Variants in ZNF326 observed in about 807,000 individuals in gnomAD.
ZNF326 encodes DBIRD complex subunit ZNF326.
ZNF326 carries 30 observed loss-of-function variants against 63.1 expected under a neutral mutation model. The ratio of observed to expected loss-of-function variants is 0.48; its 90% confidence interval spans 0.36 to 0.64. The LOEUF is 0.64. ZNF326 is among the 30% of genes least tolerant of loss of function. The pLI is 0.00. For synonymous variants in ZNF326, 194 were observed against 228.2 expected (o/e 0.85, Z 1.35); for missense variants, 609 against 720.3 (o/e 0.85, Z 1.77).
intron 11 of ZNF326, among the ~76,000 whole-genome samples, chr1:90,026,473 A>C (rs1424039737): frequency 1.3e-5 from 2 of 152,204 alleles, no homozygotes; most frequent in Non-Finnish European, 2.9e-5. Context: ...ATAGCTGCCT[A>C]TTAGACATCT....
Position 90,017,367 on chromosome 1 carries a change from A to G in ZNF326, c.977A>G (p.Asp326Gly). The G allele has an allele frequency of 1.2e-6, 2 of 1,606,926 alleles. No individual in the cohort carries two copies. Among genetic ancestry groups the G allele is most frequent in the South Asian group, 1.1e-5 (1 of 88,668 alleles). ...AAATTTCGAACATTTGAAGAAAAAG[A>G]TATTGAACTGCATCTGGAAAGTTCT... ...FCKFRTFEEK[D>G]IELHLESSSH... The change falls in exon 8 of 12, where the codon GAT becomes GGT. Residue 326 changes from aspartate (D) to glycine (G), a missense_variant. Asp to Gly is a moderately conservative substitution (Grantham distance 94, BLOSUM62 -1). Transcript: ENST00000340281.
rs564241611 is a variant in ZNF326 at position 90,029,231 on chromosome 1, T to A, written c.*1530T>A. 5 of 152,336 alleles carry A rather than the reference T, an allele frequency of 3.3e-5. 1 individual carries two copies. The South Asian group carries it at 1.0e-3, about 32-fold the overall frequency. 9.4% of individuals were successfully genotyped at this position (152,336 alleles called of 1,614,324 possible). On this transcript the variant is annotated 3_prime_UTR_variant, in exon 12 of 12. Transcript: ENST00000340281. ...ACATTTGTAGAATCCCACAGATAAT[T>A]TATCTTTTTGTGTAAAATAAGGCTT...
At chr1:90,018,274 A>C (rs908981918) in intron 8 of ZNF326, among the ~76,000 whole-genome samples, 1 of 151,334 alleles carries the variant, frequency 6.6e-6, no homozygotes, top group Non-Finnish European at 1.5e-5. Flanking sequence ...CCTGGGTGAC[A>C]GAGCGAGACT....
chr1:90,027,556 T>G lies in ZNF326; in HGVS notation c.1604T>G (p.Ile535Arg), dbSNP rs547577801. Residue 535 changes from isoleucine to arginine, a missense_variant, in exon 12 of 12, where the codon ATA becomes AGA. By Grantham distance (97) the Ile-to-Arg change is moderately conservative (BLOSUM62 -3). Coordinates refer to ENST00000340281, the MANE Select transcript of ZNF326 (RefSeq NM_182976.4). The part of the protein sequence containing the change: ...REGGIEGEGN[I>R]QGVGEGGEVG... ...GGAGGAATAGAGGGCGAGGGAAATATACAGGGAGTAGGGGAAGGAGGGGAA... is the reference window on the plus strand; with the variant it reads ...GGAGGAATAGAGGGCGAGGGAAATAGACAGGGAGTAGGGGAAGGAGGGGAA... The G allele has an allele frequency of 5.0e-6, 8 of 1,604,590 alleles. No homozygotes were observed. Among genetic ancestry groups the G allele is most frequent in the African/African-American group, 4.1e-5 (3 of 73,374 alleles).
chr1:90,015,810 G>A (rs1649476153), intron 7 of ZNF326, among the ~76,000 whole-genome samples: 1 of 152,174 alleles, frequency 6.6e-6, no homozygotes, highest in Non-Finnish European at 1.5e-5. Flanking sequence ...AGAGGCCATG[G>A]CTTGCCATCA....
In ZNF326 at chr1:90,007,395, A is replaced by G; in HGVS notation, c.260A>G (p.Asp87Gly). Residue 87 changes from aspartate to glycine, a missense_variant, in exon 5 of 12, where the codon GAT (aspartate) becomes GGT (glycine). Coordinates refer to ENST00000340281, the MANE Select transcript of ZNF326 (RefSeq NM_182976.4). The surrounding 1 kb of genome is among the most constrained non-coding windows in gnomAD (Gnocchi z 4.9). ...YDSRSSLGGR[D>G]LYRSGYGFNE... ...TCCAGGTCTTCTCTGGGTGGGCGAG[A>G]TCTGTACAGATCTGGCTATGGTTTT... 6.2e-7 allele frequency: 1 copy of G among 1,613,844 alleles called. No homozygotes were observed. The highest frequency in any genetic ancestry group is 8.5e-7 in the Non-Finnish European group (1 of 1,179,928).
intron 5 of ZNF326, 50 bp from the exon 6 acceptor site, chr1:90,010,038 A>AT (rs777709058): frequency 9.7e-6 from 15 of 1,546,806 alleles, no homozygotes; most frequent in South Asian, 3.6e-5. Context: ...ATGAATTCAT[A>AT]TTTTTTCTTG....
chr1:90,021,049 A>G lies in ZNF326; in HGVS notation c.1305+127A>G, dbSNP rs1570317907. The G allele has an allele frequency of 4.5e-5, 46 of 1,019,054 alleles. No individual in the cohort carries two copies. In the East Asian group the frequency reaches 1.2e-3, roughly 26 times the overall value. 63.1% of individuals were successfully genotyped at this position (1,019,054 alleles called of 1,614,324 possible). Reference sequence around the variant, plus strand: ...TCAATCTCATATGGAAATAACTGTAAGTATACTCAGAGAGGCAGTATATAG... The same window carrying G: ...TCAATCTCATATGGAAATAACTGTAGGTATACTCAGAGAGGCAGTATATAG... On this transcript the variant is annotated intron_variant, in intron 10 of 11. Transcript: ENST00000340281.
chr1:90,013,222 A>C lies in ZNF326; in HGVS notation c.911A>C (p.Tyr304Ser). Reference protein sequence around the residue: ...RRRREKNSEKYGDGYRMAFTC... With the variant: ...RRRREKNSEKSGDGYRMAFTC... ...AGAAGAGAAAAAAACAGTGAGAAATACGGAGATGGATACAGGTTTGTACTT... is the reference window on the plus strand; with the variant it reads ...AGAAGAGAAAAAAACAGTGAGAAATCCGGAGATGGATACAGGTTTGTACTT... Residue 304 changes from tyrosine to serine, a missense_variant, in exon 7 of 12, where the codon TAC becomes TCC. Transcript: ENST00000340281. The C allele has an allele frequency of 6.2e-7, 1 of 1,608,534 alleles. No individual in the cohort carries two copies. Among genetic ancestry groups the C allele is most frequent in the East Asian group, 2.2e-5 (1 of 44,726 alleles).
chr1:90,008,892 C>A (rs2101066066), intron 5 of ZNF326, among the ~76,000 whole-genome samples: 1 of 152,078 alleles, frequency 6.6e-6, no homozygotes, highest in East Asian at 1.9e-4. Flanking sequence ...CCTGGAAACA[C>A]AACTAGGTTA....
At chr1:90,023,327 G>C (rs1649861718) in intron 11 of ZNF326, among the ~76,000 whole-genome samples, 1 of 152,164 alleles carries the variant, frequency 6.6e-6, no homozygotes, top group Non-Finnish European at 1.5e-5. Context: ...ATTTACATTA[G>C]TAAGTATAGA....
At chr1:90,024,624 A>G (rs995859086) in intron 11 of ZNF326, among the ~76,000 whole-genome samples, 1 of 151,920 alleles carries the variant, frequency 6.6e-6, no homozygotes, top group Non-Finnish European at 1.5e-5. Flanking sequence ...TCTTATATAT[A>G]TATATTTTAA....
intron 8 of ZNF326, among the ~76,000 whole-genome samples, chr1:90,017,831 A>G (rs1351082104): frequency 2.0e-5 from 3 of 152,208 alleles, no homozygotes; most frequent in Non-Finnish European, 4.4e-5. Flanking sequence ...GAGCAGTTAA[A>G]TGACTGTTAA....
chr1:90,026,792 C>A (rs1570324481), intron 11 of ZNF326, among the ~76,000 whole-genome samples: 1 of 152,062 alleles, frequency 6.6e-6, no homozygotes, highest in African/African-American at 2.4e-5. Context: ...CTGATATGGT[C>A]AAATTTATAT....
At chr1:90,024,832 G>C (rs565726879) in intron 11 of ZNF326, among the ~76,000 whole-genome samples, 1 of 152,196 alleles carries the variant, frequency 6.6e-6, no homozygotes, top group South Asian at 2.1e-4. Flanking sequence ...GAGACCATTA[G>C]ATGTAAATTC....
At chr1:90,018,613 G>T in intron 8 of ZNF326, 72 bp from the exon 9 acceptor site, 1 of 758,010 alleles carries the variant, frequency 1.3e-6, no homozygotes, top group Non-Finnish European at 2.2e-6. Context: ...TCCATAGAAT[G>T]AACATAGTGC....
In ZNF326 at chr1:90,027,624, G is replaced by A. The variant is rs762886539; in HGVS notation, c.1672G>A (p.Glu558Lys). ...AGTAGAGGGAGTGGGGGAAGTAGAG[G>A]AAGTAGAGGAATTAGAGGAAGAGAC... ...GEVEGVGEVE[E>K]VEELEEETAK... Residue 558 changes from glutamate to lysine, a missense_variant, in exon 12 of 12, where the codon GAA becomes AAA. Transcript: ENST00000340281. 13 of 1,613,696 alleles carry A rather than the reference G, an allele frequency of 8.1e-6. No individual in the cohort carries two copies. In the African/African-American group the frequency reaches 1.2e-4, roughly 15 times the overall value.
intron 2 of ZNF326, among the ~76,000 whole-genome samples, chr1:90,000,753 G>T (rs1648636934): frequency 6.6e-6 from 1 of 152,128 alleles, no homozygotes; most frequent in African/African-American, 2.4e-5. Flanking sequence ...TTAAGACAAG[G>T]TTAGAGTGGT....
At chr1:90,013,382 A>G (rs1649346502) in intron 7 of ZNF326, 145 bp downstream of exon 7, 1 of 615,504 alleles carries the variant, frequency 1.6e-6, no homozygotes, top group Non-Finnish European at 2.6e-6. Flanking sequence ...TTGGTTTTTG[A>G]TATTTATATG....
Sources: gnomAD v4.1 joint callset for allele counts (sites outside exome capture counted in the v4.1 genomes callset) on GRCh38, gnomAD v4.1.1 for gene constraint, Gnocchi (gnomAD v3.1) non-coding constraint, MANE v1.5 for transcripts, NCBI Gene and HGNC (gene_info 2026-07-23, HGNC 2026-07-21) for gene names.